The following KYAT3 variants were observed in gnomAD, a reference collection of about 807,000 sequenced individuals.
The protein encoded by KYAT3 is kynurenine--oxoglutarate transaminase 3.
KYAT3 carries 50 observed loss-of-function variants against 59.0 expected under a neutral mutation model. The observed-to-expected ratio is 0.85, with a 90% CI of 0.68 to 1.07. The LOEUF is 1.07. Ranked by LOEUF, KYAT3 falls within the 50% of genes least tolerant of loss-of-function variation. The probability of loss-of-function intolerance (pLI) is 0.00; values close to 1 mark genes in which losing one functional copy is unlikely to be tolerated. For missense variants in KYAT3, 497 were observed against 533.3 expected, an observed-to-expected ratio of 0.93 and a Z score of 0.67; for synonymous variants, 148 against 177.0, an observed-to-expected ratio of 0.84 and a Z score of 1.30.
intron 13 of KYAT3, 61 bp downstream of exon 13, chr1:88,942,944 G>T: frequency 8.4e-7 from 1 of 1,190,246 alleles, no homozygotes. Context: ...GAAGAAAATA[G>T]TACTTTAAAA....
intron 6 of KYAT3, 44 bp from the exon 7 acceptor site, chr1:88,961,550 T>C (rs2101045116): frequency 6.5e-7 from 1 of 1,539,360 alleles, no homozygotes; most frequent in Non-Finnish European, 8.9e-7. Context: ...AATTAAGTCA[T>C]GTTTACTGTC....
intron 2 of KYAT3, among the ~76,000 whole-genome samples, chr1:88,979,226 T>C (rs961823169): frequency 6.6e-6 from 1 of 152,174 alleles, no homozygotes; most frequent in African/African-American, 2.4e-5. Context: ...TCTCCATTTG[T>C]ACCCATTATC....
chr1:88,946,606 T>C (rs535843247), intron 11 of KYAT3, among the ~76,000 whole-genome samples: 1 of 152,358 alleles, frequency 6.6e-6, no homozygotes, highest in Admixed American at 6.5e-5. Context: ...ATAATTCATA[T>C]GGAAATCTTG....
At chr1:88,926,018 C>T in the KYAT3 span, among the ~76,000 whole-genome samples, 1 of 152,112 alleles carries the variant, frequency 6.6e-6, no homozygotes, top group African/African-American at 2.4e-5. Context: ...CAGGAACCCG[C>T]GGGTGGCCCA....
chr1:88,940,106 AT>A (rs1675181346), intron 13 of KYAT3, among the ~76,000 whole-genome samples: 1 of 151,970 alleles, frequency 6.6e-6, no homozygotes, highest in East Asian at 1.9e-4. Context: ...GTCTGACTCC[AT>A]CACCCAGGCT....
At chr1:88,948,395 G>A (rs1675533176) in intron 11 of KYAT3, among the ~76,000 whole-genome samples, 1 of 152,092 alleles carries the variant, frequency 6.6e-6, no homozygotes, top group Admixed American at 6.6e-5. Flanking sequence ...TAAAAGAAAA[G>A]TTATATATGA....
chr1:88,934,499 G>A (rs1190712405), downstream of KYAT3, among the ~76,000 whole-genome samples: 2 of 152,094 alleles, frequency 1.3e-5, no homozygotes, highest in East Asian at 3.9e-4. Context: ...TGCTGCTGTG[G>A]TAAAAGGTAG....
At chr1:88,929,618 C>T in the KYAT3 span, among the ~76,000 whole-genome samples, 1 of 152,170 alleles carries the variant, frequency 6.6e-6, no homozygotes, top group Middle Eastern at 3.2e-3. Context: ...TTTAGCCACT[C>T]GTTCAGAAAC....
intron 9 of KYAT3, among the ~76,000 whole-genome samples, chr1:88,953,428 C>A (rs1675762691): frequency 6.6e-6 from 1 of 151,776 alleles, no homozygotes; most frequent in African/African-American, 2.4e-5. Flanking sequence ...CACCTGTAAT[C>A]CCAGCTACTT....
At chr1:88,926,169 C>G in the KYAT3 span, among the ~76,000 whole-genome samples, 25 of 152,352 alleles carry the variant, frequency 1.6e-4, no homozygotes, top group African/African-American at 6.0e-4. Flanking sequence ...AGCTTACTAA[C>G]TCAAAAATCT....
At chr1:88,928,163 A>G in the KYAT3 span, among the ~76,000 whole-genome samples, 1 of 152,068 alleles carries the variant, frequency 6.6e-6, no homozygotes, top group African/African-American at 2.4e-5. Flanking sequence ...CTTTCTGGAG[A>G]GACTAAGGGA....
intron 2 of KYAT3, among the ~76,000 whole-genome samples, chr1:88,984,356 C>T (rs376300994): frequency 6.6e-6 from 1 of 151,618 alleles, no homozygotes; most frequent in Non-Finnish European, 1.5e-5. Context: ...CTTGGATTAC[C>T]GGCATGCGCC....
chr1:88,984,140 A>C (rs1427374529), intron 2 of KYAT3: 11 of 384,716 alleles, frequency 2.9e-5, no homozygotes, highest in African/African-American at 4.0e-5. Flanking sequence ...TTAAAGATAC[A>C]TAAAAAATGC....
chr1:88,929,142 C>T, the KYAT3 span, among the ~76,000 whole-genome samples: 2 of 152,084 alleles, frequency 1.3e-5, no homozygotes, highest in South Asian at 2.1e-4. Context: ...GGCAGTACCC[C>T]CTTAGACCCG....
intron 10 of KYAT3, 55 bp from the exon 11 acceptor site, chr1:88,949,332 C>T (rs1225194237): frequency 7.9e-6 from 10 of 1,268,532 alleles, no homozygotes; most frequent in Non-Finnish European, 7.5e-6. Flanking sequence ...TTATTTATTG[C>T]TTAGTTTATT....
chr1:88,957,268 G>A (rs60458549), intron 8 of KYAT3, among the ~76,000 whole-genome samples: 4,948 of 152,252 alleles, frequency 0.032, 241 homozygotes, highest in African/African-American at 0.11. Flanking sequence ...AATACTTTAA[G>A]ATTTGATATA....
chr1:88,938,602 T>G (rs1675124448), intron 13 of KYAT3, among the ~76,000 whole-genome samples: 1 of 152,178 alleles, frequency 6.6e-6, no homozygotes, highest in South Asian at 2.1e-4. Flanking sequence ...GTTCTCATTA[T>G]TTTTGGCTCC....
rs202031563 is a variant in KYAT3 at position 88,961,245 on chromosome 1, T to C, written c.709A>G (p.Ile237Val). The change falls in exon 8 of 14, where the codon ATC (isoleucine) becomes GTC (valine). Residue 237 changes from isoleucine to valine, a missense_variant. By Grantham distance (29) the Ile-to-Val change is conservative. Transcript: ENST00000260508. The stretch of plus-strand genomic sequence containing the variant: ...CTGATGCAGAGTGTGTCATATTTGA[T>C]GCAAAGGTCAGCAATTACTTGCAGT... ...EELQVIADLCIKYDTLCISDE... is the reference protein window; with the variant it reads ...EELQVIADLCVKYDTLCISDE... 8.7e-6 allele frequency: 14 copies of C among 1,613,652 alleles called. No individual in the cohort carries two copies. Among genetic ancestry groups the C allele is most frequent in the Middle Eastern group, 3.3e-4 (2 of 6,058 alleles).
At chr1:88,986,529 C>T (rs181768546) in intron 2 of KYAT3, among the ~76,000 whole-genome samples, 56 of 150,830 alleles carry the variant, frequency 3.7e-4, no homozygotes, top group African/African-American at 8.5e-4. Flanking sequence ...TGGTCTCAAG[C>T]GATCCACTGG....
Sources: allele counts gnomAD v4.1 joint callset (sites outside exome capture counted in the v4.1 genomes callset), GRCh38; gene constraint gnomAD v4.1.1; transcripts MANE v1.5; gene names NCBI Gene and HGNC (gene_info 2026-07-23, HGNC 2026-07-21).